The following DKC1 variants were observed in gnomAD, a reference collection of about 807,000 sequenced individuals.
DKC1 encodes the protein dyskerin pseudouridine synthase 1, also known as H/ACA ribonucleoprotein complex subunit DKC1.
Under a neutral mutation model 46.7 loss-of-function variants are expected in DKC1, and 4 were observed. The ratio of observed to expected loss-of-function variants is 0.09; its 90% CI spans 0.04 to 0.20. The LOEUF (loss-of-function observed/expected upper bound fraction) is 0.20, where lower values mean the gene tolerates loss of function less well. DKC1 is among the 10% of genes least tolerant of loss of function. The probability of loss-of-function intolerance (pLI) is 1.00; values close to 1 mark genes in which losing one functional copy is unlikely to be tolerated. For missense variants in DKC1, 171 were observed against 404.2 expected (o/e 0.42, Z 4.95); for synonymous variants, 141 against 142.4 (o/e 0.99, Z 0.07).
intron 10 of DKC1, among the ~76,000 whole-genome samples, chrX:154,771,959 T>C (rs2071831653): frequency 8.9e-6 from 1 of 112,307 alleles, no homozygotes; most frequent in African/African-American, 3.2e-5. Context: ...TTATACTAAT[T>C]TACATTCCCA....
At chrX:154,771,673 T>C (rs1362879251) in intron 10 of DKC1, among the ~76,000 whole-genome samples, 2 of 111,637 alleles carry the variant, frequency 1.8e-5, no homozygotes, top group African/African-American at 3.3e-5. Flanking sequence ...TTACACTTAA[T>C]ATAACGATCT....
chrX:154,766,595 C>G, intron 5 of DKC1, 195 bp downstream of exon 5: 1 of 458,635 alleles, frequency 2.2e-6, no homozygotes, highest in Non-Finnish European at 3.7e-6. Flanking sequence ...ATTCCACATA[C>G]TAAGCATGTA....
At chrX:154,773,570 T>G (rs2071852639) in intron 11 of DKC1, among the ~76,000 whole-genome samples, 2 of 109,261 alleles carry the variant, frequency 1.8e-5, no homozygotes, top group African/African-American at 6.7e-5. Flanking sequence ...TTAATCCATT[T>G]AACCCTGAGT....
chrX:154,770,467 T>TAA lies in DKC1; in HGVS notation c.916-271_916-270dup, dbSNP rs150045442. Among the ~76,000 whole-genome samples, 537 of 67,478 alleles carry TAA rather than the reference T, an allele frequency of 8.0e-3. 9 individuals are homozygous for TAA. Among genetic ancestry groups the TAA allele is most frequent in the Middle Eastern group, 0.019 (2 of 106 alleles). 58.6% of individuals were successfully genotyped at this position (67,478 alleles called of 115,157 possible). On this transcript the variant is annotated intron_variant, in intron 9 of 14. Transcript: ENST00000369550. Reference sequence around the variant, plus strand: ...ACAGAGGGAGGTTCTGCCTGAAAATTAAAAAAAAAAAAAAAAAAAAAAGAA... The same window carrying TAA: ...ACAGAGGGAGGTTCTGCCTGAAAATTAAAAAAAAAAAAAAAAAAAAAAAAGAA...
chrX:154,769,896 A>G (rs1459905885), intron 9 of DKC1, among the ~76,000 whole-genome samples: 1 of 111,107 alleles, frequency 9.0e-6, no homozygotes, highest in Non-Finnish European at 1.9e-5. Context: ...GGGAGGGGAG[A>G]ATGTGATCAA....
At chrX:154,769,832 CAT>C (rs1383136429) in intron 9 of DKC1, among the ~76,000 whole-genome samples, 1 of 111,986 alleles carries the variant, frequency 8.9e-6, no homozygotes, top group African/African-American at 3.3e-5. Context: ...CAGTGGACAA[CAT>C]AAATGTGATG....
intron 11 of DKC1, among the ~76,000 whole-genome samples, chrX:154,773,930 G>A (rs1053644224): frequency 7.2e-4 from 80 of 111,060 alleles, no homozygotes; most frequent in Non-Finnish European, 1.2e-3. Flanking sequence ...CGGGCGGGGG[G>A]GCTGACCCCC....
Position 154,777,584 on chromosome X carries a change from A to G in DKC1, c.*717A>G, listed in dbSNP as rs1398643869. 8.9e-6 allele frequency: 1 copy of G among 112,735 alleles called. No individual in the cohort carries two copies. The highest frequency in any genetic ancestry group is 1.9e-5 in the Non-Finnish European group (1 of 53,337). 9.3% of individuals were successfully genotyped at this position (112,735 alleles called of 1,213,427 possible). A position where few individuals can be genotyped will look rare whatever the true frequency, so the allele number is the denominator to read the frequency against. On this transcript the variant is annotated 3_prime_UTR_variant, in exon 15 of 15. Transcript: ENST00000369550. ...TTAAAGTCAACTTGTTAAGTTTTTT[A>G]TGTATTCCTGTTGGGTTTTCTTGTT...
intron 10 of DKC1, among the ~76,000 whole-genome samples, chrX:154,772,715 T>C (rs781920910): frequency 8.9e-6 from 1 of 112,314 alleles, no homozygotes; most frequent in South Asian, 3.6e-4. Flanking sequence ...GGGTCTAATT[T>C]GTACCAGAAG....
intron 13 of DKC1, among the ~76,000 whole-genome samples, chrX:154,775,518 G>A (rs1386252487): frequency 8.9e-6 from 1 of 112,044 alleles, no homozygotes; most frequent in African/African-American, 3.2e-5. Flanking sequence ...GAATCAGATG[G>A]GCCTCGACTC....
Position 154,776,869 on chromosome X carries a change from G to C in DKC1, c.*2G>C, listed in dbSNP as rs1557265792. 1 of 1,192,476 alleles carries C rather than the reference G, an allele frequency of 8.4e-7. No individual in the cohort carries two copies. The highest frequency in any genetic ancestry group is 1.8e-5 in the South Asian group (1 of 55,442). On this transcript the variant is annotated 3_prime_UTR_variant, in exon 15 of 15. Coordinates refer to ENST00000369550, the MANE Select transcript of DKC1 (RefSeq NM_001363.5). ...GAGGTAGAATTGGTTTCTGAGTAGT[G>C]AAGGCCACTTGAAGCTGGAGGAGAA...
intron 2 of DKC1, 69 bp downstream of exon 2, chrX:154,765,035 A>G: frequency 1.1e-6 from 1 of 950,929 alleles, no homozygotes; most frequent in Non-Finnish European, 1.5e-6. Context: ...AACTAAAGGA[A>G]AGAAGTGTTT....
chrX:154,768,683 T>G (rs1569558548), intron 8 of DKC1: 1 of 459,186 alleles, frequency 2.2e-6, no homozygotes, highest in Non-Finnish European at 3.9e-6. Context: ...GTCTAATACT[T>G]CAACGGTTAA....
At position 154,776,785 on chromosome X, in the gene DKC1, C is replaced by T; in HGVS notation, c.1477-14C>T. 1 of 1,202,471 alleles carries T rather than the reference C, an allele frequency of 8.3e-7. No individual in the cohort carries two copies. Among genetic ancestry groups the T allele is most frequent in the African/African-American group, 1.7e-5 (1 of 57,419 alleles). ...TGGATGGTATCTGTGAGCTTTCATT[C>T]TCTTTCTTTCTAGGACAGTGATACC... is the stretch of plus-strand genomic sequence containing the variant. On this transcript the variant is annotated splice_polypyrimidine_tract_variant and intron_variant, in intron 14 of 14. Transcript: ENST00000369550.
At chrX:154,767,843 CTTTTT>C (rs35184460) in intron 7 of DKC1, among the ~76,000 whole-genome samples, 3,998 of 64,512 alleles carry the variant, frequency 0.062, 51 homozygotes, top group African/African-American at 0.11. Context: ...AATTACAGAT[CTTTTT>C]TTTTTTTTTT....
At chrX:154,765,096 G>A (rs2071729172) in intron 2 of DKC1, 130 bp downstream of exon 2, 2 of 581,110 alleles carry the variant, frequency 3.4e-6, no homozygotes, top group African/African-American at 2.3e-5. Context: ...GTGTAGATTC[G>A]AAAAAGCACT....
rs782385464 is a variant in DKC1 at position 154,766,018 on chromosome X, A to C, written c.263+20A>C. ...TATCAGGTAAGTGTTGGGAGGAGGC[A>C]CTGTGCAAACTTACTTTCTTTTGAA... On this transcript the variant is annotated intron_variant, in intron 4 of 14. Transcript: ENST00000369550. The C allele has an allele frequency of 3.5e-6, 4 of 1,131,610 alleles. No individual in the cohort carries two copies. The highest frequency in any genetic ancestry group is 4.9e-6 in the Non-Finnish European group (4 of 823,399). 93.3% of individuals were successfully genotyped at this position (1,131,610 alleles called of 1,213,427 possible).
At position 154,777,090 on chromosome X, in the gene DKC1, T is replaced by C. The variant is rs2071909562; in HGVS notation, c.*223T>C. The C allele has an allele frequency of 3.0e-6, 1 of 335,755 alleles. No individual in the cohort carries two copies. Among genetic ancestry groups the C allele is most frequent in the South Asian group, 3.7e-5 (1 of 26,873 alleles). 27.7% of individuals were successfully genotyped at this position (335,755 alleles called of 1,213,427 possible). ...GGTGAAAGATGAAAGAGGCAGAGTT[T>C]ATCCCAATGACTTCTCTGTTTGAGT... is the stretch of plus-strand genomic sequence containing the variant. On this transcript the variant is annotated 3_prime_UTR_variant, in exon 15 of 15. Transcript: ENST00000369550.
intron 1 of DKC1, among the ~76,000 whole-genome samples, chrX:154,763,976 T>A (rs1557263883): frequency 9.1e-6 from 1 of 110,203 alleles, no homozygotes; most frequent in Non-Finnish European, 1.9e-5. Flanking sequence ...CTGGCCAACA[T>A]GGTGAAACCC....
Sources: allele counts gnomAD v4.1 joint callset (sites outside exome capture counted in the v4.1 genomes callset), GRCh38; gene constraint gnomAD v4.1.1; transcripts MANE v1.5; gene names NCBI Gene and HGNC (gene_info 2026-07-23, HGNC 2026-07-21).